Variants in ZFHX2 observed in about 807,000 individuals in gnomAD.
ZFHX2 encodes the protein zinc finger homeobox 2, also known as zinc finger homeobox protein 2.
In ZFHX2, 75 loss-of-function variants were observed where a neutral mutation model predicts 164.8. That is an observed-to-expected ratio of 0.46 (90% confidence interval 0.38 to 0.55). The LOEUF is 0.55. Ranked by LOEUF, ZFHX2 falls within the 20% of genes least tolerant of loss-of-function variation. The pLI is 0.00. For missense variants in ZFHX2, 2,933 were observed against 3,308.0 expected, an observed-to-expected ratio of 0.89 and a Z score of 2.78; for synonymous variants, 1,217 against 1,351.4, an observed-to-expected ratio of 0.90 and a Z score of 2.18.
At chr14:23,550,040 T>A (rs1004905088) in intron 1 of ZFHX2, among the ~76,000 whole-genome samples, 1 of 152,068 alleles carries the variant, frequency 6.6e-6, no homozygotes, top group African/African-American at 2.4e-5. Context: ...AAATATACAA[T>A]GATACAGTGG....
At chr14:23,537,171 G>C (rs1012065649) in intron 1 of ZFHX2, among the ~76,000 whole-genome samples, 2 of 151,766 alleles carry the variant, frequency 1.3e-5, no homozygotes, top group South Asian at 4.2e-4. Flanking sequence ...AAAACAGAAA[G>C]AAAGAAATGA....
In ZFHX2 at chr14:23,521,517, A is replaced by G. The variant is rs1392102849; in HGVS notation, c.*445T>C. 1 of 155,552 alleles carries G rather than the reference A, an allele frequency of 6.4e-6. No homozygotes were observed. The highest frequency in any genetic ancestry group is 2.4e-5 in the African/African-American group (1 of 41,356). The allele number at this position is 155,552 out of a possible 1,614,324, so 9.6% of individuals were successfully genotyped here. A position where few individuals can be genotyped will look rare whatever the true frequency, so the allele number is the denominator to read the frequency against. ...TTTCTTCTTTTTATCTTCTTTTTCA[A>G]AATTTTTTGGTGTTTTCTCAGTGGA... On this transcript the variant is annotated 3_prime_UTR_variant, in exon 10 of 10. Coordinates refer to ENST00000419474, the MANE Select transcript of ZFHX2 (RefSeq NM_033400.3).
Position 23,521,869 on chromosome 14 carries a change from G to T in ZFHX2, c.*93C>A, listed in dbSNP as rs770653335. ...CCTGTGAGGTGGGCGGGGCCAGGGGGTGGGGTGAGGGATTTGAGCTCCCAC... is the reference window on the plus strand; with the variant it reads ...CCTGTGAGGTGGGCGGGGCCAGGGGTTGGGGTGAGGGATTTGAGCTCCCAC... On this transcript the variant is annotated 3_prime_UTR_variant, in exon 10 of 10. Transcript: ENST00000419474. 3 of 1,500,370 alleles carry T rather than the reference G, an allele frequency of 2.0e-6. No homozygotes were observed. The highest frequency in any genetic ancestry group is 1.8e-6 in the Non-Finnish European group (2 of 1,130,178). The allele number at this position is 1,500,370 out of a possible 1,614,324, so 92.9% of individuals were successfully genotyped here.
chr14:23,532,620 T>A lies in ZFHX2; in HGVS notation c.2506A>T (p.Met836Leu). Residue 836 changes from methionine to leucine, a missense_variant, in exon 3 of 10, where the codon ATG (methionine) becomes TTG (leucine). Physicochemically the swap from Met to Leu is conservative, Grantham distance 15. Transcript: ENST00000419474. Reference protein sequence around the residue: ...CDFESNSKEKMQLHARGAAHE... With the variant: ...CDFESNSKEKLQLHARGAAHE... ...GCTGCACCCCTGGCATGCAGCTGCA[T>A]CTTCTCCTTGCTGTTGGACTCAAAG... is the stretch of plus-strand genomic sequence containing the variant. The A allele has an allele frequency of 1.4e-6, 2 of 1,460,524 alleles. No individual in the cohort carries two copies. The highest frequency in any genetic ancestry group is 1.8e-6 in the Non-Finnish European group (2 of 1,108,256). The allele number at this position is 1,460,524 out of a possible 1,614,324, so 90.5% of individuals were successfully genotyped here.
chr14:23,523,120 A>G lies in ZFHX2; in HGVS notation c.6739+83T>C. On this transcript the variant is annotated intron_variant, in intron 9 of 9. Transcript: ENST00000419474. This position sits in a 1 kb window ranked among gnomAD's most constrained non-coding sequence, Gnocchi z 4.1. ...AAGGCCACAGGAGATTGGGCATGGGAAGAATCAGGAAGGAAAAGGAAGGGC... is the reference window on the plus strand; with the variant it reads ...AAGGCCACAGGAGATTGGGCATGGGGAGAATCAGGAAGGAAAAGGAAGGGC... 1 of 1,400,332 alleles carries G rather than the reference A, an allele frequency of 7.1e-7. No individual in the cohort carries two copies. The allele number at this position is 1,400,332 out of a possible 1,614,324, so 86.7% of individuals were successfully genotyped here. A position where few individuals can be genotyped will look rare whatever the true frequency, so the allele number is the denominator to read the frequency against.
rs749198914 is a variant in ZFHX2, at chr14:23,527,678, G to A, written c.3061C>T (p.Arg1021Trp). ...CPLCQEQLVG[R>W]PALHFHLSHL... The stretch of plus-strand genomic sequence containing the variant: ...CTAAGGTGGAAGTGCAGGGCAGGCC[G>A]GCCCACCAGCTGTTCCTGGCACAGT... The change falls in exon 7 of 10, where the codon CGG becomes TGG. Residue 1021 changes from arginine (R) to tryptophan (W), a missense_variant. Physicochemically the swap from Arg to Trp is moderately radical, Grantham distance 101. Transcript: ENST00000419474. 108 of 1,536,182 alleles carry A rather than the reference G, an allele frequency of 7.0e-5. No homozygotes were observed. The highest frequency in any genetic ancestry group is 4.9e-4 in the African/African-American group (36 of 73,042).
rs915465814 is a variant in ZFHX2, at chr14:23,522,633, A to G, written c.7048T>C (p.Leu2350=). 14 of 1,535,122 alleles carry G rather than the reference A, an allele frequency of 9.1e-6. 1 individual carries two copies. In the Admixed American group the frequency reaches 2.6e-4, roughly 28 times the overall value. Residue 2350 remains leucine, a synonymous_variant, in exon 10 of 10, where the codon TTG becomes CTG. Coordinates refer to ENST00000419474, the MANE Select transcript of ZFHX2 (RefSeq NM_033400.3). ...GGTGCTGTTCCCCCAGCAGGGGGCAATGGAAAGGGCAGGAACTGGCCCCCC... is the reference window on the plus strand; with the variant it reads ...GGTGCTGTTCCCCCAGCAGGGGGCAGTGGAAAGGGCAGGAACTGGCCCCCC... ...LLGGQFLPFP[L]PPAGGTAPPA...
rs1487881786 is a variant in ZFHX2, at chr14:23,534,318, C to T, written c.1008G>A (p.Leu336=). 1 of 1,535,972 alleles carries T rather than the reference C, an allele frequency of 6.5e-7. No homozygotes were observed. The highest frequency in any genetic ancestry group is 8.7e-7 in the Non-Finnish European group (1 of 1,146,652). Residue 336 remains leucine (L), a synonymous_variant, in exon 2 of 10, where the codon CTG becomes CTA. Coordinates refer to ENST00000419474, the MANE Select transcript of ZFHX2 (RefSeq NM_033400.3). The surrounding 1 kb of genome is among the most constrained non-coding windows in gnomAD (Gnocchi z 4.5). ...GGCTGAGGGCCATAACTTCTTCATC[C>T]AGGAGGATAAGGGCCTGGACTTCTG... The part of the protein sequence containing the change: ...PEAEVQALIL[L]DEEVMALSPP...
chr14:23,533,046 T>G lies in ZFHX2; in HGVS notation c.2080A>C (p.Ser694Arg), dbSNP rs1879756461. The G allele has an allele frequency of 5.2e-6, 8 of 1,534,458 alleles. No individual in the cohort carries two copies. The highest frequency in any genetic ancestry group is 7.0e-6 in the Non-Finnish European group (8 of 1,145,778). The stretch of plus-strand genomic sequence containing the variant: ...TCAGATGAGGAACCCAGGAGCTGAC[T>G]TGGAGGCAGGTGGGCATCAGGGGAT... ...SLSPDAHLPP[S>R]QLLGSSSDSL... The change falls in exon 3 of 10, where the codon AGT becomes CGT. Residue 694 changes from serine to arginine, a missense_variant. Ser to Arg is a moderately radical substitution (Grantham distance 110). Transcript: ENST00000419474. The surrounding 1 kb of genome is among the most constrained non-coding windows in gnomAD (Gnocchi z 4.8).
intron 3 of ZFHX2, 196 bp from the exon 4 acceptor site, chr14:23,531,917 C>G: frequency 4.9e-6 from 3 of 610,054 alleles, no homozygotes; most frequent in Non-Finnish European, 7.1e-6. Flanking sequence ...GCTGGGATTA[C>G]AGGCATGCGC....
chr14:23,522,418 C>A lies in ZFHX2; in HGVS notation c.7263G>T (p.Leu2421=). The change falls in exon 10 of 10, where the codon CTG becomes CTT. Residue 2421 remains leucine (L), a synonymous_variant. Coordinates refer to ENST00000419474, the MANE Select transcript of ZFHX2 (RefSeq NM_033400.3). ...TATAPPKPPE[L]PAPGEGEAGE... ...CAGCTTCCCCCTCCCCTGGAGCAGGCAGTTCAGGAGGCTTTGGAGGTGCTG... is the reference window on the plus strand; with the variant it reads ...CAGCTTCCCCCTCCCCTGGAGCAGGAAGTTCAGGAGGCTTTGGAGGTGCTG... 6.5e-7 allele frequency: 1 copy of A among 1,536,462 alleles called. No homozygotes were observed. Among genetic ancestry groups the A allele is most frequent in the Admixed American group, 2.0e-5 (1 of 50,990 alleles).
chr14:23,543,278 A>G (rs1352850374), intron 1 of ZFHX2: 4 of 152,190 alleles, frequency 2.6e-5, no homozygotes, highest in Non-Finnish European at 5.9e-5. Flanking sequence ...CTATTTTACA[A>G]ACATGGAGAC....
Position 23,522,334 on chromosome 14 carries a change from A to G in ZFHX2, c.7347T>C (p.His2449=), listed in dbSNP as rs1878107907. 6.5e-7 allele frequency: 1 copy of G among 1,533,584 alleles called. No individual in the cohort carries two copies. Among genetic ancestry groups the G allele is most frequent in the African/African-American group, 1.4e-5 (1 of 73,006 alleles). The allele number at this position is 1,533,584 out of a possible 1,614,324, so 95.0% of individuals were successfully genotyped here. The change falls in exon 10 of 10, where the codon CAT becomes CAC. Residue 2449 remains histidine, a synonymous_variant. Coordinates refer to ENST00000419474, the MANE Select transcript of ZFHX2 (RefSeq NM_033400.3). ...STGISTVDVT[H]RYLCRQCKMA... ...TCTTGCACTGGCGGCACAGGTAGCG[A>G]TGGGTTACATCCACGGTGGAGATGC...
chr14:23,551,886 C>T (rs1881990573), upstream of ZFHX2, among the ~76,000 whole-genome samples: 1 of 152,162 alleles, frequency 6.6e-6, no homozygotes, highest in Admixed American at 6.5e-5. This position sits in a 1 kb window ranked among gnomAD's most constrained non-coding sequence, Gnocchi z 5.3. Flanking sequence ...GGACCCAGGG[C>T]CGGGGGCAGG....
At position 23,526,039 on chromosome 14, in the gene ZFHX2, C is replaced by G. The variant is rs1257684947; in HGVS notation, c.3903G>C (p.Glu1301Asp). 2.6e-6 allele frequency: 4 copies of G among 1,536,322 alleles called. No homozygotes were observed. The highest frequency in any genetic ancestry group is 2.4e-5 in the East Asian group (1 of 40,928). Residue 1301 changes from glutamate to aspartate, a missense_variant, in exon 9 of 10, where the codon GAG becomes GAC. Physicochemically the swap from Glu to Asp is conservative, Grantham distance 45. Coordinates refer to ENST00000419474, the MANE Select transcript of ZFHX2 (RefSeq NM_033400.3). Reference sequence around the variant, plus strand: ...CCTTCTTCTCAGTGCCCACCTCCCCCTCTGTCTCGCCTTCCTTGGGCTCTT... The same window carrying G: ...CCTTCTTCTCAGTGCCCACCTCCCCGTCTGTCTCGCCTTCCTTGGGCTCTT... Reference protein sequence around the residue: ...SQEEPKEGETEGEVGTEKKGP... With the variant: ...SQEEPKEGETDGEVGTEKKGP...
intron 1 of ZFHX2, among the ~76,000 whole-genome samples, chr14:23,550,693 G>A (rs2138941956): frequency 6.6e-6 from 1 of 152,292 alleles, no homozygotes; most frequent in South Asian, 2.1e-4. Flanking sequence ...TAGGATGGGC[G>A]TGCAGGACAG....
intron 1 of ZFHX2, among the ~76,000 whole-genome samples, chr14:23,536,865 C>A (rs536230253): frequency 6.6e-6 from 1 of 152,180 alleles, no homozygotes; most frequent in South Asian, 2.1e-4. Flanking sequence ...AGTCTGGGCA[C>A]GGTGGCTCAC....
chr14:23,552,865 G>A (rs1882080270), upstream of ZFHX2, among the ~76,000 whole-genome samples: 2 of 152,280 alleles, frequency 1.3e-5, no homozygotes, highest in African/African-American at 4.8e-5. Context: ...GCCTCCCAAA[G>A]TCCTGGGATT....
intron 1 of ZFHX2, among the ~76,000 whole-genome samples, chr14:23,547,269 C>T (rs146747184): frequency 4.9e-4 from 75 of 152,326 alleles, no homozygotes; most frequent in Non-Finnish European, 1.0e-3. Flanking sequence ...ATGCTGCCTT[C>T]GTTGTATTAA....
Sources: allele counts gnomAD v4.1 joint callset (sites outside exome capture counted in the v4.1 genomes callset), GRCh38; gene constraint gnomAD v4.1.1; non-coding constraint Gnocchi (gnomAD v3.1); transcripts MANE v1.5; gene names NCBI Gene and HGNC (gene_info 2026-07-23, HGNC 2026-07-21).